CTNNA3: variants seen among roughly 807,000 people sequenced by gnomAD.
The protein encoded by CTNNA3 is catenin alpha-3.
In CTNNA3, 76 loss-of-function variants were observed where a neutral mutation model predicts 95.7. The observed-to-expected ratio is 0.79, with a 90% confidence interval of 0.66 to 0.96. The LOEUF is 0.96. Among genes scored for constraint, CTNNA3 ranks in the 40% least tolerant of loss-of-function variants. The pLI, the probability that CTNNA3 is intolerant of heterozygous loss-of-function variation, is 0.00. For missense variants in CTNNA3, 1,191 were observed against 1,089.8 expected, an observed-to-expected ratio of 1.09 and a Z score of -1.31; for synonymous variants, 431 against 374.4, an observed-to-expected ratio of 1.15 and a Z score of -1.74.
In CTNNA3 at chr10:66,230,834, C is replaced by T. The variant is rs572649762; in HGVS notation, c.1884+49636G>A. On this transcript the variant is annotated intron_variant, in intron 13 of 17. Transcript: ENST00000433211. ...TCCCAGTGTGCTGGATCATTTATGCCCTGATGTATAGAGCTCTGCCTGGGC... is the reference window on the plus strand; with the variant it reads ...TCCCAGTGTGCTGGATCATTTATGCTCTGATGTATAGAGCTCTGCCTGGGC... Among the ~76,000 whole-genome samples, 389 of 152,126 alleles carry T rather than the reference C, an allele frequency of 2.6e-3. 3 individuals carry two copies. The highest frequency in any genetic ancestry group is 4.7e-3 in the Non-Finnish European group (317 of 67,996).
chr10:66,149,033 TTAAC>T (rs2084045941), intron 13 of CTNNA3, among the ~76,000 whole-genome samples: 2 of 151,062 alleles, frequency 1.3e-5, no homozygotes, highest in African/African-American at 4.8e-5. Context: ...TAACTGTAAT[TTAAC>T]TACGTAGTTA....
chr10:66,436,127 G>A (rs1396163307), intron 11 of CTNNA3, among the ~76,000 whole-genome samples: 2 of 152,102 alleles, frequency 1.3e-5, no homozygotes, highest in Admixed American at 1.3e-4. Context: ...AGTATGATTT[G>A]GTGCTGAGAA....
At chr10:66,923,365 C>T (rs1413491934) in intron 7 of CTNNA3, among the ~76,000 whole-genome samples, 2 of 152,158 alleles carry the variant, frequency 1.3e-5, no homozygotes, top group Admixed American at 6.5e-5. Context: ...TTAATGGGTC[C>T]TCCAGCCTCC....
intron 10 of CTNNA3, among the ~76,000 whole-genome samples, chr10:66,596,421 A>G (rs1045518538): frequency 1.3e-5 from 2 of 152,170 alleles, no homozygotes; most frequent in Admixed American, 1.3e-4. Flanking sequence ...CAAGCTCCCA[A>G]AGATGGCAAG....
chr10:67,128,131 G>T lies in CTNNA3; in HGVS notation c.1047+52186C>A, dbSNP rs1441525654. On this transcript the variant is annotated intron_variant, in intron 7 of 17. Transcript: ENST00000433211. ...TAAAATTCACATTTAACCTTGTGAT[G>T]GTTAATTTTATGTGTCAACTTGACT... 2.0e-5 allele frequency among the ~76,000 whole-genome samples: 3 copies of T among 151,976 alleles called. No individual in the cohort carries two copies. The East Asian group carries it at 5.8e-4, about 29-fold the overall frequency.
chr10:66,192,689 T>G (rs192624036), intron 13 of CTNNA3, among the ~76,000 whole-genome samples: 36 of 152,296 alleles, frequency 2.4e-4, no homozygotes, highest in African/African-American at 8.7e-4. Flanking sequence ...CCTTTATTTA[T>G]TCAAGGATAA....
chr10:66,863,521 G>A (rs1755346293), intron 7 of CTNNA3, among the ~76,000 whole-genome samples: 1 of 152,156 alleles, frequency 6.6e-6, no homozygotes, highest in African/African-American at 2.4e-5. Context: ...TGAGCCAACA[G>A]GATTTGCTGA....
At chr10:65,986,114 G>A (rs2078421654) in intron 16 of CTNNA3, among the ~76,000 whole-genome samples, 1 of 151,162 alleles carries the variant, frequency 6.6e-6, no homozygotes, top group Non-Finnish European at 1.5e-5. Flanking sequence ...ACTACTAAGT[G>A]AAAATTAAAA....
At chr10:66,371,773 C>G (rs893960292) in intron 12 of CTNNA3, among the ~76,000 whole-genome samples, 10 of 152,154 alleles carry the variant, frequency 6.6e-5, no homozygotes, top group African/African-American at 2.4e-4. Context: ...GCACTGTCTG[C>G]AAAGAAGCTC....
At chr10:66,870,854 A>G (rs553237820) in intron 7 of CTNNA3, among the ~76,000 whole-genome samples, 1 of 152,266 alleles carries the variant, frequency 6.6e-6, no homozygotes, top group Non-Finnish European at 1.5e-5. Context: ...CCTAAATTCA[A>G]CAACAAAGTC....
At chr10:66,798,463 A>G (rs571638461) in intron 7 of CTNNA3, among the ~76,000 whole-genome samples, 1 of 151,872 alleles carries the variant, frequency 6.6e-6, no homozygotes, top group South Asian at 2.1e-4. Flanking sequence ...AATTGTGAAA[A>G]TGGTGTAAAA....
At chr10:67,518,982 C>A (rs1163012421) in intron 5 of CTNNA3, among the ~76,000 whole-genome samples, 7 of 152,124 alleles carry the variant, frequency 4.6e-5, no homozygotes, top group Admixed American at 2.0e-4. Flanking sequence ...AGTAAACCCA[C>A]CACCTCACCT....
At chr10:67,533,058 G>A (rs750966588) in intron 4 of CTNNA3, among the ~76,000 whole-genome samples, 25 of 152,040 alleles carry the variant, frequency 1.6e-4, no homozygotes, top group African/African-American at 5.8e-4. Flanking sequence ...GCACGGTGGC[G>A]GACGCCTGTA....
At chr10:67,261,943 TACTA>T (rs1320220195) in intron 5 of CTNNA3, among the ~76,000 whole-genome samples, 2 of 152,284 alleles carry the variant, frequency 1.3e-5, no homozygotes, top group Middle Eastern at 3.4e-3. Context: ...AATCAACTAA[TACTA>T]ACACAAATGT....
chr10:67,272,939 A>C (rs1281111538), intron 5 of CTNNA3, among the ~76,000 whole-genome samples: 1 of 152,046 alleles, frequency 6.6e-6, no homozygotes, highest in Non-Finnish European at 1.5e-5. Context: ...AAAATCTATC[A>C]TTTCCACTTA....
intron 14 of CTNNA3, among the ~76,000 whole-genome samples, chr10:66,072,091 A>G (rs1189231039): frequency 6.6e-6 from 1 of 152,206 alleles, no homozygotes. Context: ...AGTCATGAAT[A>G]CTACATAAAC....
chr10:67,701,623 A>C (rs1225870346), intron 1 of CTNNA3, among the ~76,000 whole-genome samples: 1 of 152,238 alleles, frequency 6.6e-6, no homozygotes, highest in African/African-American at 2.4e-5. Flanking sequence ...CTCCTGAAGG[A>C]AGCACTAAAC....
intron 15 of CTNNA3, among the ~76,000 whole-genome samples, chr10:66,002,942 A>G (rs1394056560): frequency 2.6e-5 from 4 of 152,258 alleles, no homozygotes; most frequent in African/African-American, 9.6e-5. Context: ...CTAAAATCCT[A>G]TATTTTATTT....
intron 5 of CTNNA3, among the ~76,000 whole-genome samples, chr10:67,422,872 A>T (rs1352745519): frequency 6.6e-6 from 1 of 152,134 alleles, no homozygotes; most frequent in Non-Finnish European, 1.5e-5. Flanking sequence ...GTGAGAACAA[A>T]CTAATACACT....
Sources: gnomAD v4.1 joint callset for allele counts (sites outside exome capture counted in the v4.1 genomes callset) on GRCh38, gnomAD v4.1.1 for gene constraint, MANE v1.5 for transcripts, NCBI Gene and HGNC (gene_info 2026-07-23, HGNC 2026-07-21) for gene names.